Variants in FBXL17 observed in about 807,000 individuals in gnomAD.
The protein encoded by FBXL17 is F-box/LRR-repeat protein 17.
FBXL17 carries 22 observed loss-of-function variants against 66.2 expected under a neutral mutation model. The observed-to-expected ratio is 0.33, with a 90% CI of 0.24 to 0.47. The LOEUF is 0.47. FBXL17 is among the 20% of genes least tolerant of loss of function. The pLI is 1.00. For missense variants in FBXL17, 878 were observed against 948.2 expected (o/e 0.93, Z 0.97); for synonymous variants, 474 against 400.5 (o/e 1.18, Z -2.19).
chr5:107,884,746 G>GCGTCCTTAC (rs1748906563), intron 7 of FBXL17, among the ~76,000 whole-genome samples: 1 of 152,136 alleles, frequency 6.6e-6, no homozygotes, highest in South Asian at 2.1e-4. Flanking sequence ...CTGAGTCTCA[G>GCGTCCTTAC]CGTCCTTACC....
At chr5:108,146,239 A>T (rs1295634781) in intron 6 of FBXL17, among the ~76,000 whole-genome samples, 2 of 152,070 alleles carry the variant, frequency 1.3e-5, no homozygotes, top group Non-Finnish European at 2.9e-5. Flanking sequence ...CTCAAAAAAA[A>T]AAAAAGACTC....
chr5:108,042,123 G>C (rs1312582153), intron 6 of FBXL17, among the ~76,000 whole-genome samples: 2 of 152,128 alleles, frequency 1.3e-5, no homozygotes, highest in African/African-American at 4.8e-5. Context: ...TCGAACTCCT[G>C]ACCTCAGGTG....
chr5:108,258,431 TTTC>T (rs766828281), intron 4 of FBXL17, among the ~76,000 whole-genome samples: 1 of 152,306 alleles, frequency 6.6e-6, no homozygotes, highest in Non-Finnish European at 1.5e-5. Context: ...CAAAGTTAGT[TTTC>T]TTCTTCTTTC....
intron 7 of FBXL17, among the ~76,000 whole-genome samples, chr5:107,900,320 C>T (rs1749531146): frequency 6.6e-6 from 1 of 152,204 alleles, no homozygotes; most frequent in East Asian, 1.9e-4. Flanking sequence ...ATAGTGATTA[C>T]ATTCAGCCAA....
At chr5:108,313,696 T>G (rs1208882909) in intron 4 of FBXL17, among the ~76,000 whole-genome samples, 1 of 152,002 alleles carries the variant, frequency 6.6e-6, no homozygotes, top group South Asian at 2.1e-4. Flanking sequence ...TATTAAGATA[T>G]GGATTACTGT....
intron 5 of FBXL17, among the ~76,000 whole-genome samples, chr5:108,206,360 C>G (rs1276222485): frequency 6.6e-6 from 1 of 152,122 alleles, no homozygotes; most frequent in Non-Finnish European, 1.5e-5. Context: ...ATGCGCTTTT[C>G]TTTAAAAACA....
chr5:107,970,958 G>A lies in FBXL17; in HGVS notation c.1822+49967C>T, dbSNP rs531650379. 3.3e-5 allele frequency among the ~76,000 whole-genome samples: 5 copies of A among 152,252 alleles called. 1 individual carries two copies. Among genetic ancestry groups the A allele is most frequent in the African/African-American group, 7.2e-5 (3 of 41,550 alleles). On this transcript the variant is annotated intron_variant, in intron 7 of 8. Transcript: ENST00000542267. Reference sequence around the variant, plus strand: ...ATTTATGTAAAATTATGATATGCCCGACAGAATCTAGACACAGTATGCTAG... The same window carrying A: ...ATTTATGTAAAATTATGATATGCCCAACAGAATCTAGACACAGTATGCTAG...
intron 6 of FBXL17, among the ~76,000 whole-genome samples, chr5:108,033,173 G>T (rs890963585): frequency 6.6e-6 from 1 of 152,030 alleles, no homozygotes; most frequent in Non-Finnish European, 1.5e-5. Context: ...TTAACATTTT[G>T]CTATATTTGC....
intron 4 of FBXL17, among the ~76,000 whole-genome samples, chr5:108,260,463 T>G (rs1756766702): frequency 6.6e-6 from 1 of 151,998 alleles, no homozygotes; most frequent in Non-Finnish European, 1.5e-5. Flanking sequence ...ATTAAAGAAA[T>G]ACAACTATCT....
chr5:108,009,262 T>C (rs376760665), intron 7 of FBXL17, among the ~76,000 whole-genome samples: 1 of 11,268 alleles, frequency 8.9e-5, no homozygotes, highest in African/African-American at 6.2e-4. Flanking sequence ...TTCCCTGTTT[T>C]ATATATATAT....
At chr5:108,039,575 CAA>C (rs1746970923) in intron 6 of FBXL17, among the ~76,000 whole-genome samples, 1 of 151,980 alleles carries the variant, frequency 6.6e-6, no homozygotes, top group African/African-American at 2.4e-5. Context: ...CTTCCCAAAG[CAA>C]AGTTATGTAA....
chr5:108,048,669 A>G (rs1022792255), intron 6 of FBXL17, among the ~76,000 whole-genome samples: 3 of 152,206 alleles, frequency 2.0e-5, no homozygotes, highest in African/African-American at 7.2e-5. Flanking sequence ...ATACACAAGT[A>G]TCAATAGCTG....
intron 4 of FBXL17, among the ~76,000 whole-genome samples, chr5:108,256,966 G>A (rs1187249705): frequency 6.6e-6 from 1 of 151,952 alleles, no homozygotes; most frequent in African/African-American, 2.4e-5. Flanking sequence ...TATGACAGTG[G>A]TGTCACTTTA....
chr5:108,256,718 T>C (rs1756591860), intron 4 of FBXL17, among the ~76,000 whole-genome samples: 1 of 152,114 alleles, frequency 6.6e-6, no homozygotes, highest in South Asian at 2.1e-4. Context: ...CATTTAGTCT[T>C]TACTTAGTTA....
chr5:108,012,645 C>T (rs1193528683), intron 7 of FBXL17, among the ~76,000 whole-genome samples: 2 of 152,164 alleles, frequency 1.3e-5, no homozygotes, highest in African/African-American at 4.8e-5. Flanking sequence ...TGAATGCATA[C>T]TATAGTGTTA....
At chr5:108,069,490 A>G (rs1197931067) in intron 6 of FBXL17, among the ~76,000 whole-genome samples, 1 of 152,210 alleles carries the variant, frequency 6.6e-6, no homozygotes, top group African/African-American at 2.4e-5. Context: ...ATCTCTGTTA[A>G]TGTGTTTTTG....
intron 1 of FBXL17, among the ~76,000 whole-genome samples, chr5:108,377,466 C>CT (rs1354845956): frequency 6.6e-6 from 1 of 152,246 alleles, no homozygotes; most frequent in Non-Finnish European, 1.5e-5. Context: ...AATCAGCTGT[C>CT]TGACAGCGAA....
intron 3 of FBXL17, among the ~76,000 whole-genome samples, chr5:108,358,947 A>T (rs942876997): frequency 6.6e-6 from 1 of 151,958 alleles, no homozygotes; most frequent in Admixed American, 6.6e-5. Flanking sequence ...AGTGCAGTGA[A>T]TATAGCTTCA....
At chr5:108,371,816 G>C (rs995504088) in intron 1 of FBXL17, among the ~76,000 whole-genome samples, 8 of 152,186 alleles carry the variant, frequency 5.3e-5, no homozygotes, top group African/African-American at 1.9e-4. Flanking sequence ...ACAGATTAGA[G>C]CAAGTGGAAG....
Sources: allele counts gnomAD v4.1 joint callset (sites outside exome capture counted in the v4.1 genomes callset), GRCh38; gene constraint gnomAD v4.1.1; transcripts MANE v1.5; gene names NCBI Gene and HGNC (gene_info 2026-07-23, HGNC 2026-07-21).